NRXN1: variants seen among roughly 807,000 people sequenced by gnomAD.
NRXN1 encodes neurexin 1, also known as neurexin-1.
NRXN1 carries 39 observed loss-of-function variants against 150.9 expected under a neutral mutation model. That is an observed-to-expected ratio of 0.26 (90% CI 0.20 to 0.34). NRXN1 has a LOEUF of 0.34. Ranked by LOEUF, NRXN1 falls within the 10% of genes least tolerant of loss-of-function variation. NRXN1 has a pLI of 1.00. For synonymous variants in NRXN1, 924 were observed against 757.0 expected, an observed-to-expected ratio of 1.22 and a Z score of -3.62; for missense variants, 1,815 against 1,949.9, an observed-to-expected ratio of 0.93 and a Z score of 1.30.
chr2:50,434,788 T>C lies in NRXN1; in HGVS notation c.3364+30654A>G, dbSNP rs184000559. On this transcript the variant is annotated intron_variant, in intron 17 of 22. Transcript: ENST00000401669. ...GCACTCTTCAGAACTTTCTCACTGC[T>C]GCTCTCATAAGACTATTTTTTTTTT... Among the ~76,000 whole-genome samples, 71 of 151,914 alleles carry C rather than the reference T, an allele frequency of 4.7e-4. 1 individual carries two copies. The East Asian group carries it at 0.012, about 26-fold the overall frequency.
chr2:50,425,070 T>C (rs188766501), intron 17 of NRXN1, among the ~76,000 whole-genome samples: 93 of 152,316 alleles, frequency 6.1e-4, no homozygotes, highest in African/African-American at 2.1e-3. Flanking sequence ...ATACCACCAC[T>C]TCAGGCCATA....
intron 2 of NRXN1, among the ~76,000 whole-genome samples, chr2:50,954,339 T>C (rs1558484083): frequency 6.6e-6 from 1 of 152,230 alleles, no homozygotes; most frequent in South Asian, 2.1e-4. Context: ...GTGGACCACC[T>C]TGTATAAACT....
At chr2:50,061,137 T>C (rs974266979) in intron 19 of NRXN1, among the ~76,000 whole-genome samples, 5 of 152,206 alleles carry the variant, frequency 3.3e-5, no homozygotes, top group African/African-American at 1.2e-4. Context: ...TTTCTCAAGA[T>C]GTATTTTATT....
intron 5 of NRXN1, among the ~76,000 whole-genome samples, chr2:50,775,101 T>C (rs1028725040): frequency 7.2e-5 from 11 of 152,160 alleles, no homozygotes; most frequent in African/African-American, 1.9e-4. Context: ...ACCAACACTA[T>C]AATTTGTCTC....
At chr2:50,668,520 C>G (rs1343747767) in intron 5 of NRXN1, among the ~76,000 whole-genome samples, 2 of 151,978 alleles carry the variant, frequency 1.3e-5, no homozygotes, top group Non-Finnish European at 2.9e-5. Flanking sequence ...AAATACTGCT[C>G]TGTAACTATC....
At chr2:50,949,427 T>C (rs982561622) in intron 2 of NRXN1, among the ~76,000 whole-genome samples, 15 of 152,174 alleles carry the variant, frequency 9.9e-5, no homozygotes, top group Non-Finnish European at 2.1e-4. Flanking sequence ...ATACTCATAC[T>C]GAAACATACT....
chr2:50,570,904 T>C (rs1183365303), intron 8 of NRXN1, among the ~76,000 whole-genome samples: 3 of 152,258 alleles, frequency 2.0e-5, no homozygotes, highest in East Asian at 3.9e-4. Context: ...GTGTACCCTA[T>C]CACCTTACCC....
intron 5 of NRXN1, among the ~76,000 whole-genome samples, chr2:50,872,194 T>G (rs1355861321): frequency 6.6e-6 from 1 of 151,852 alleles, no homozygotes; most frequent in Non-Finnish European, 1.5e-5. Flanking sequence ...ATAATGTGAG[T>G]CATTTCACAG....
At chr2:50,101,477 ATCTAAC>A (rs1230930779) in intron 18 of NRXN1, among the ~76,000 whole-genome samples, 1 of 152,046 alleles carries the variant, frequency 6.6e-6, no homozygotes, top group East Asian at 1.9e-4. Context: ...TATAATTACA[ATCTAAC>A]TCTAATGTTC....
intron 17 of NRXN1, among the ~76,000 whole-genome samples, chr2:50,272,123 A>G (rs1413033884): frequency 6.6e-6 from 1 of 152,222 alleles, no homozygotes; most frequent in Non-Finnish European, 1.5e-5. Flanking sequence ...TCTGACTCAG[A>G]GAACACACAG....
intron 5 of NRXN1, among the ~76,000 whole-genome samples, chr2:50,819,266 G>A (rs1000282920): frequency 3.3e-5 from 5 of 152,158 alleles, no homozygotes; most frequent in African/African-American, 1.2e-4. Context: ...AATAGCCAAA[G>A]GGCAGAAACA....
chr2:50,125,911 T>G (rs1704519585), intron 18 of NRXN1, among the ~76,000 whole-genome samples: 1 of 152,230 alleles, frequency 6.6e-6, no homozygotes, highest in Admixed American at 6.5e-5. Flanking sequence ...ATAACCTAAC[T>G]AAGATTTTTG....
chr2:50,592,420 A>G (rs530798282), intron 8 of NRXN1, among the ~76,000 whole-genome samples: 1 of 152,246 alleles, frequency 6.6e-6, no homozygotes, highest in Non-Finnish European at 1.5e-5. Context: ...GTAGTAGGCC[A>G]TGTTTCTTTA....
At chr2:50,349,778 A>G (rs2152999971) in intron 17 of NRXN1, among the ~76,000 whole-genome samples, 1 of 152,340 alleles carries the variant, frequency 6.6e-6, no homozygotes, top group East Asian at 1.9e-4. Context: ...CAGGTCTAAC[A>G]TATTCAAGCT....
At chr2:50,243,795 T>C (rs555503845) in intron 17 of NRXN1, among the ~76,000 whole-genome samples, 1 of 151,884 alleles carries the variant, frequency 6.6e-6, no homozygotes, top group East Asian at 1.9e-4. Flanking sequence ...CAGAAGAGTA[T>C]TCCTCTTCAA....
rs896362106 is a variant in NRXN1 at position 49,920,144 on chromosome 2, A to G, written c.*1800T>C. ...AATATGCAAAACAAGTGTATAATCTATACTTTTCCACTACTTAATGTGTTA... is the reference window on the plus strand; with the variant it reads ...AATATGCAAAACAAGTGTATAATCTGTACTTTTCCACTACTTAATGTGTTA... On this transcript the variant is annotated 3_prime_UTR_variant, in exon 23 of 23. Transcript: ENST00000401669. The G allele has an allele frequency of 6.6e-6, 1 of 152,332 alleles. No homozygotes were observed. Among genetic ancestry groups the G allele is most frequent in the East Asian group, 1.9e-4 (1 of 5,190 alleles). 9.4% of individuals were successfully genotyped at this position (152,332 alleles called of 1,614,324 possible). A position where few individuals can be genotyped will look rare whatever the true frequency, so the allele number is the denominator to read the frequency against.
At chr2:50,374,079 A>G (rs947173388) in intron 17 of NRXN1, among the ~76,000 whole-genome samples, 3 of 96,132 alleles carry the variant, frequency 3.1e-5, no homozygotes. Flanking sequence ...GGGGAGGATC[A>G]CTTCATCTCA....
chr2:50,267,041 G>T (rs1186272086), intron 17 of NRXN1, among the ~76,000 whole-genome samples: 1 of 152,152 alleles, frequency 6.6e-6, no homozygotes, highest in African/African-American at 2.4e-5. Flanking sequence ...AACTGCCAGA[G>T]CAATCCCTTG....
chr2:50,138,884 T>C (rs978159188), intron 18 of NRXN1, among the ~76,000 whole-genome samples: 3 of 152,210 alleles, frequency 2.0e-5, no homozygotes, highest in African/African-American at 7.2e-5. Flanking sequence ...ACACAGAATG[T>C]GTGCCATAAA....
Sources: allele counts gnomAD v4.1 joint callset (sites outside exome capture counted in the v4.1 genomes callset), GRCh38; gene constraint gnomAD v4.1.1; transcripts MANE v1.5; gene names NCBI Gene and HGNC (gene_info 2026-07-23, HGNC 2026-07-21).